The following SPATA6L variants were observed in gnomAD, a reference collection of about 807,000 sequenced individuals.
SPATA6L encodes spermatogenesis associated 6 like.
SPATA6L carries 68 observed loss-of-function variants against 49.2 expected under a neutral mutation model. That is an observed-to-expected ratio of 1.38 (90% CI 1.14 to 1.69). The LOEUF is 1.69. SPATA6L is among the 40% of genes most tolerant of loss of function. The probability of loss-of-function intolerance (pLI) is 0.00; values close to 1 mark genes in which losing one functional copy is unlikely to be tolerated. For synonymous variants in SPATA6L, 198 were observed against 165.7 expected, an observed-to-expected ratio of 1.19 and a Z score of -1.50; for missense variants, 668 against 464.3, an observed-to-expected ratio of 1.44 and a Z score of -4.03.
rs1290230169 is a variant in SPATA6L at position 4,600,392 on chromosome 9, C to A, written c.*419G>T. ...GAAAAGAGAAAGTCAGGTTGATAGT[C>A]TTTCCTGGAGGATTTATCAGGTTAT... On this transcript the variant is annotated 3_prime_UTR_variant, in exon 12 of 12. Coordinates refer to ENST00000682582, the MANE Select transcript of SPATA6L (RefSeq NM_001353486.2). The A allele has an allele frequency of 6.6e-6, 1 of 152,436 alleles. No individual in the cohort carries two copies. The highest frequency in any genetic ancestry group is 2.4e-5 in the African/African-American group (1 of 41,382). 9.4% of individuals were successfully genotyped at this position (152,436 alleles called of 1,614,324 possible).
At chr9:4,618,303 T>A (rs1275001723) in intron 8 of SPATA6L, among the ~76,000 whole-genome samples, 193 bp from the exon 9 acceptor site, 1 of 151,926 alleles carries the variant, frequency 6.6e-6, no homozygotes, top group Non-Finnish European at 1.5e-5. Context: ...TTCAGACTGA[T>A]AAAAATAACC....
downstream of SPATA6L, among the ~76,000 whole-genome samples, chr9:4,598,222 G>A (rs1041003000): frequency 2.5e-4 from 38 of 152,082 alleles, no homozygotes; most frequent in Admixed American, 1.7e-3. Context: ...AAGACCCCAT[G>A]AAACATGCCC....
intron 3 of SPATA6L, among the ~76,000 whole-genome samples, chr9:4,638,765 C>A (rs547147155): frequency 2.9e-5 from 4 of 137,542 alleles, no homozygotes; most frequent in African/African-American, 1.3e-4. Flanking sequence ...GTTAAGAACT[C>A]TTTTCTTTTC....
At chr9:4,596,195 C>T (rs1822241099), downstream of SPATA6L, among the ~76,000 whole-genome samples, 1 of 152,170 alleles carries the variant, frequency 6.6e-6, no homozygotes, top group South Asian at 2.1e-4. Flanking sequence ...TTTTACACCC[C>T]TTAGTGTGAC....
intron 4 of SPATA6L, among the ~76,000 whole-genome samples, chr9:4,629,540 A>C (rs1357792204): frequency 6.6e-6 from 1 of 151,908 alleles, no homozygotes; most frequent in Non-Finnish European, 1.5e-5. Flanking sequence ...CTCTATTTAA[A>C]ACACTGTACC....
At chr9:4,597,520 T>C (rs985579631), downstream of SPATA6L, among the ~76,000 whole-genome samples, 2 of 152,186 alleles carry the variant, frequency 1.3e-5, no homozygotes, top group African/African-American at 4.8e-5. Flanking sequence ...CTGCACCATG[T>C]AAAAGCTCCT....
At chr9:4,618,131 T>A (rs373481608) in intron 8 of SPATA6L, 21 bp from the exon 9 acceptor site, 2 of 1,573,332 alleles carry the variant, frequency 1.3e-6, no homozygotes, top group South Asian at 2.3e-5. Flanking sequence ...ATATGCATTA[T>A]TTAGTTGTAA....
chr9:4,622,979 A>G (rs1284823319), intron 6 of SPATA6L, among the ~76,000 whole-genome samples: 4 of 151,758 alleles, frequency 2.6e-5, no homozygotes, highest in African/African-American at 9.7e-5. Flanking sequence ...CATTTTTGAA[A>G]AAAGAATAAG....
intron 8 of SPATA6L, among the ~76,000 whole-genome samples, chr9:4,618,528 CCAAT>C (rs1231954663): frequency 2.0e-5 from 3 of 152,152 alleles, no homozygotes; most frequent in Non-Finnish European, 4.4e-5. Flanking sequence ...CTTTGACAAA[CCAAT>C]CAAACTTCAA....
intron 13 of SPATA6L, among the ~76,000 whole-genome samples, chr9:4,589,633 G>A (rs550409071): frequency 6.6e-6 from 1 of 152,292 alleles, no homozygotes; most frequent in South Asian, 2.1e-4. Context: ...ACACAGAGAG[G>A]GGTTTGAGAT....
chr9:4,641,569 G>A (rs1389329391), intron 3 of SPATA6L, among the ~76,000 whole-genome samples: 3 of 152,086 alleles, frequency 2.0e-5, no homozygotes, highest in African/African-American at 7.2e-5. Context: ...GAAAAAGTCT[G>A]TACATGTTCA....
At position 4,665,454 on chromosome 9, in the gene SPATA6L, C is replaced by T. The variant is rs1840718659; in HGVS notation, c.39+758G>A. Among the ~76,000 whole-genome samples the T allele has an allele frequency of 2.0e-5, 3 of 152,196 alleles. No individual in the cohort carries two copies. In the South Asian group the frequency reaches 6.2e-4, roughly 31 times the overall value. On this transcript the variant is annotated intron_variant, in intron 1 of 11. Coordinates refer to ENST00000682582, the MANE Select transcript of SPATA6L (RefSeq NM_001353486.2). ...CAGGAAATGTTGATCACCTTTCACA[C>T]CCACATGTATGATGAAACCACACCA...
At chr9:4,650,862 G>C (rs1488039176) in intron 3 of SPATA6L, among the ~76,000 whole-genome samples, 1 of 106,676 alleles carries the variant, frequency 9.4e-6, no homozygotes, top group African/African-American at 3.3e-5. Flanking sequence ...GTGTGTGTGT[G>C]TGTGTGTGTG....
In SPATA6L at chr9:4,599,145, T is replaced by C. The variant is rs998550260; in HGVS notation, c.*1666A>G. On this transcript the variant is annotated 3_prime_UTR_variant, in exon 12 of 12. Coordinates refer to ENST00000682582, the MANE Select transcript of SPATA6L (RefSeq NM_001353486.2). ...ACATGATTTTAAATAATTTGGAGCA[T>C]GAAACAAAGTTTCGAATGCATTTGA... Among the ~76,000 whole-genome samples, 5 of 152,214 alleles carry C rather than the reference T, an allele frequency of 3.3e-5. No individual in the cohort carries two copies. Among genetic ancestry groups the C allele is most frequent in the African/African-American group, 1.2e-4 (5 of 41,454 alleles).
At chr9:4,591,622 A>C (rs1459575894) in intron 13 of SPATA6L, among the ~76,000 whole-genome samples, 1 of 152,200 alleles carries the variant, frequency 6.6e-6, no homozygotes, top group Non-Finnish European at 1.5e-5. Flanking sequence ...CCCATCTTCT[A>C]ATTTAGCCAG....
At chr9:4,593,676 G>A (rs758770892), downstream of SPATA6L, among the ~76,000 whole-genome samples, 2 of 151,980 alleles carry the variant, frequency 1.3e-5, no homozygotes, top group African/African-American at 2.4e-5. Context: ...AATCCAAAAG[G>A]CATTTTCTCA....
chr9:4,662,894 G>A lies in SPATA6L; in HGVS notation c.40-858C>T, dbSNP rs760607843. 4.5e-5 allele frequency: 72 copies of A among 1,607,992 alleles called. 2 individuals are homozygous for A. In the South Asian group the frequency reaches 7.9e-4, roughly 18 times the overall value. ...TGCTGATGAACCTGCTCTTCGCCCTGCTGTTGGACCTGCTGCTGGTGGCCT... is the reference window on the plus strand; with the variant it reads ...TGCTGATGAACCTGCTCTTCGCCCTACTGTTGGACCTGCTGCTGGTGGCCT... On this transcript the variant is annotated intron_variant, in intron 1 of 11. Coordinates refer to ENST00000682582, the MANE Select transcript of SPATA6L (RefSeq NM_001353486.2). This position sits in a 1 kb window ranked among gnomAD's most constrained non-coding sequence, Gnocchi z 4.9.
At chr9:4,628,529 C>T (rs1476180361) in intron 5 of SPATA6L, 1 of 152,528 alleles carries the variant, frequency 6.6e-6, no homozygotes, top group South Asian at 2.1e-4. Context: ...TCACTGCAGC[C>T]TTGACCTCCC....
In SPATA6L at chr9:4,662,007, G is replaced by C. The variant is rs370873050; in HGVS notation, c.69C>G (p.Gly23=). Residue 23 remains glycine (G), a synonymous_variant, in exon 2 of 12, where the codon GGC becomes GGG. Coordinates refer to ENST00000682582, the MANE Select transcript of SPATA6L (RefSeq NM_001353486.2). The surrounding 1 kb of genome is among the most constrained non-coding windows in gnomAD (Gnocchi z 4.9). ...AISCPGVFLP[G]KQDVYLGVYL... ...AGACCCCGAGGTACACATCTTGTTT[G>C]CCAGGCAGGAACACTCCTGGGCAAG... 12 of 1,613,966 alleles carry C rather than the reference G, an allele frequency of 7.4e-6. No individual in the cohort carries two copies. Among genetic ancestry groups the C allele is most frequent in the Non-Finnish European group, 1.0e-5 (12 of 1,179,996 alleles).
Sources: gnomAD v4.1 joint callset for allele counts (sites outside exome capture counted in the v4.1 genomes callset) on GRCh38, gnomAD v4.1.1 for gene constraint, Gnocchi (gnomAD v3.1) non-coding constraint, MANE v1.5 for transcripts, NCBI Gene and HGNC (gene_info 2026-07-23, HGNC 2026-07-21) for gene names.